Variants in STARD5 observed in about 807,000 individuals in gnomAD.
The protein encoded by STARD5 is stAR-related lipid transfer protein 5.
In STARD5, 26 loss-of-function variants were observed where a neutral mutation model predicts 24.6. The ratio of observed to expected loss-of-function variants is 1.06; its 90% CI spans 0.77 to 1.47. STARD5 has a LOEUF of 1.47. STARD5 is among the 40% of genes most tolerant of loss of function. The pLI, the probability that STARD5 is intolerant of heterozygous loss-of-function variation, is 0.00. For synonymous variants in STARD5, 101 were observed against 99.7 expected, an observed-to-expected ratio of 1.01 and a Z score of -0.07; for missense variants, 254 against 270.8, an observed-to-expected ratio of 0.94 and a Z score of 0.44.
chr15:81,319,583 G>C, intron 3 of STARD5, 127 bp from the exon 4 acceptor site: 1 of 782,498 alleles, frequency 1.3e-6, no homozygotes, highest in Non-Finnish European at 2.2e-6. Flanking sequence ...AAACAGTTAA[G>C]ATCCAGAGCG....
At chr15:81,319,158 G>A (rs1901143626) in intron 4 of STARD5, among the ~76,000 whole-genome samples, 181 bp downstream of exon 4, 1 of 152,020 alleles carries the variant, frequency 6.6e-6, no homozygotes, top group Non-Finnish European at 1.5e-5. Flanking sequence ...CATATGGACT[G>A]TCTTGCGTCA....
rs977950427 is a variant in STARD5 at position 81,309,693 on chromosome 15, C to T, written c.*3563G>A. 2.0e-5 allele frequency: 3 copies of T among 152,230 alleles called. No individual in the cohort carries two copies. Among genetic ancestry groups the T allele is most frequent in the African/African-American group, 7.2e-5 (3 of 41,428 alleles). 9.4% of individuals were successfully genotyped at this position (152,230 alleles called of 1,614,324 possible). On this transcript the variant is annotated 3_prime_UTR_variant, in exon 6 of 6. Coordinates refer to ENST00000302824, the MANE Select transcript of STARD5 (RefSeq NM_181900.3). ...AGAGGAGTACAGGTGAAGCACCAAG[C>T]TCAAAGCGTGGACAGGTGTGCCGAC...
intron 4 of STARD5, among the ~76,000 whole-genome samples, chr15:81,318,958 C>A (rs1289586616): frequency 2.0e-5 from 3 of 152,256 alleles, no homozygotes; most frequent in Middle Eastern, 3.4e-3. Flanking sequence ...GAGGCAGGAG[C>A]CCTGCTCCTC....
At chr15:81,313,644 C>T (rs1445850714) in intron 5 of STARD5, 1 of 320,220 alleles carries the variant, frequency 3.1e-6, no homozygotes, top group Non-Finnish European at 5.7e-6. Flanking sequence ...GAAGAAGTCC[C>T]TACTCCCAGC....
intron 2 of STARD5, 86 bp downstream of exon 2, chr15:81,322,813 A>G: frequency 6.4e-7 from 1 of 1,551,084 alleles, no homozygotes; most frequent in African/African-American, 1.4e-5. Flanking sequence ...TATAGGGTTG[A>G]TTTGAATATT....
At position 81,312,930 on chromosome 15, in the gene STARD5, C is replaced by T. The variant is rs2141666794; in HGVS notation, c.*326G>A. On this transcript the variant is annotated 3_prime_UTR_variant, in exon 6 of 6. Transcript: ENST00000302824. ...GTGATGGGCACATAAAGCCTTGGTG[C>T]CAGAGTGCATCGCATGGTGTCCAGG... 1 of 170,652 alleles carries T rather than the reference C, an allele frequency of 5.9e-6. No homozygotes were observed. Among genetic ancestry groups the T allele is most frequent in the South Asian group, 1.6e-4 (1 of 6,310 alleles). The allele number at this position is 170,652 out of a possible 1,614,324, so 10.6% of individuals were successfully genotyped here.
intron 3 of STARD5, among the ~76,000 whole-genome samples, chr15:81,321,804 A>G (rs1893296377): frequency 6.6e-6 from 1 of 152,212 alleles, no homozygotes; most frequent in African/African-American, 2.4e-5. Flanking sequence ...TGATGATTTA[A>G]AAAACCTTGT....
chr15:81,319,908 G>A (rs1476786846), intron 3 of STARD5, among the ~76,000 whole-genome samples: 1 of 152,218 alleles, frequency 6.6e-6, no homozygotes, highest in Non-Finnish European at 1.5e-5. Flanking sequence ...GAGCTAGGGA[G>A]AGGGAAGAGA....
intron 5 of STARD5, 54 bp from the exon 6 acceptor site, chr15:81,313,457 C>A: frequency 7.0e-7 from 1 of 1,433,054 alleles, no homozygotes. Flanking sequence ...GTGCTGGGGA[C>A]GAGCGCCAGG....
chr15:81,324,077 TG>T lies in STARD5; in HGVS notation c.22del (p.Gln8ArgfsTer2). On this transcript the variant is annotated frameshift_variant, in exon 1 of 6. Transcript: ENST00000302824. LOFTEE classifies it high-confidence loss of function. Reference protein sequence around the residue: MDPALAAQMSEAVAEKML... With the variant: MDPALAAXMSEAVAEKML... Reference sequence around the variant, plus strand: ...CTTCTCGGCCACAGCCTCGCTCATCTGGGCTGCCAGCGCCGGGTCCATTGCG... The same window carrying T: ...CTTCTCGGCCACAGCCTCGCTCATCTGGCTGCCAGCGCCGGGTCCATTGCG... 1 of 1,530,052 alleles carries T rather than the reference TG, an allele frequency of 6.5e-7. No homozygotes were observed. The allele number at this position is 1,530,052 out of a possible 1,614,324, so 94.8% of individuals were successfully genotyped here.
At chr15:81,322,208 C>T (rs1280487339) in intron 3 of STARD5, among the ~76,000 whole-genome samples, 200 bp downstream of exon 3, 1 of 152,218 alleles carries the variant, frequency 6.6e-6, no homozygotes, top group East Asian at 1.9e-4. Flanking sequence ...GGGCTTCTCT[C>T]CCTCTCTGAG....
At chr15:81,320,267 TG>T (rs918841159) in intron 3 of STARD5, among the ~76,000 whole-genome samples, 2 of 152,204 alleles carry the variant, frequency 1.3e-5, no homozygotes, top group African/African-American at 2.4e-5. Flanking sequence ...TATTAAGACT[TG>T]GGGCATCGTG....
At chr15:81,319,501 T>C in intron 3 of STARD5, 45 bp from the exon 4 acceptor site, 2 of 1,552,300 alleles carry the variant, frequency 1.3e-6, no homozygotes, top group Non-Finnish European at 1.8e-6. Flanking sequence ...TGGCCAGACA[T>C]CTTCTCCCAA....
intron 1 of STARD5, chr15:81,323,559 C>A (rs1893330427): frequency 1.1e-5 from 13 of 1,218,746 alleles, no homozygotes; most frequent in African/African-American, 1.5e-5. Flanking sequence ...CTGTAATGAA[C>A]ACAGAAGAAA....
chr15:81,320,034 C>T (rs1388322787), intron 3 of STARD5, among the ~76,000 whole-genome samples: 1 of 152,210 alleles, frequency 6.6e-6, no homozygotes, highest in African/African-American at 2.4e-5. Context: ...GAACCTCACT[C>T]AATCTCAGCA....
Position 81,324,085 on chromosome 15 carries a change from C to G in STARD5, c.15G>C (p.Leu5=), listed in dbSNP as rs1174536307. The G allele has an allele frequency of 1.3e-6, 2 of 1,509,590 alleles. No individual in the cohort carries two copies. The highest frequency in any genetic ancestry group is 1.8e-6 in the Non-Finnish European group (2 of 1,117,590). 93.5% of individuals were successfully genotyped at this position (1,509,590 alleles called of 1,614,324 possible). MDPA[L]AAQMSEAVAE... is the part of the protein sequence containing the mutation. The stretch of plus-strand genomic sequence containing the variant: ...CCACAGCCTCGCTCATCTGGGCTGC[C>G]AGCGCCGGGTCCATTGCGTCGGGAG... Residue 5 remains leucine, a synonymous_variant, in exon 1 of 6, where the codon CTG becomes CTC. Coordinates refer to ENST00000302824, the MANE Select transcript of STARD5 (RefSeq NM_181900.3).
intron 1 of STARD5, 58 bp downstream of exon 1, chr15:81,323,943 G>C (rs1331233444): frequency 2.0e-6 from 3 of 1,533,466 alleles, no homozygotes; most frequent in African/African-American, 1.4e-5. Flanking sequence ...GGGCTTCTGG[G>C]GACCCGGGCT....
intron 5 of STARD5, among the ~76,000 whole-genome samples, chr15:81,314,558 G>C (rs1441181065): frequency 6.6e-6 from 1 of 152,124 alleles, no homozygotes; most frequent in Non-Finnish European, 1.5e-5. Context: ...CATCATGCAG[G>C]CTACAGGTTT....
At chr15:81,316,903 A>T (rs1160145784) in intron 5 of STARD5, among the ~76,000 whole-genome samples, 1 of 152,096 alleles carries the variant, frequency 6.6e-6, no homozygotes, top group African/African-American at 2.4e-5. Flanking sequence ...CTCTCAGCAA[A>T]ATCCATGCAA....
Sources: allele counts gnomAD v4.1 joint callset (sites outside exome capture counted in the v4.1 genomes callset), GRCh38; gene constraint gnomAD v4.1.1; transcripts MANE v1.5; gene names NCBI Gene and HGNC (gene_info 2026-07-23, HGNC 2026-07-21).